MIER3: variants seen among roughly 807,000 people sequenced by gnomAD.
The protein encoded by MIER3 is mesoderm induction early response protein 3.
MIER3 carries 9 observed loss-of-function variants against 63.2 expected under a neutral mutation model. The ratio of observed to expected loss-of-function variants is 0.14; its 90% CI spans 0.09 to 0.25. The LOEUF is 0.25. Among genes scored for constraint, MIER3 ranks in the 10% least tolerant of loss-of-function variants. The pLI is 1.00. For synonymous variants in MIER3, 205 were observed against 224.9 expected (o/e 0.91, Z 0.79); for missense variants, 512 against 666.2 (o/e 0.77, Z 2.55).
chr5:56,942,232 G>C (rs1290308502), intron 3 of MIER3, among the ~76,000 whole-genome samples: 1 of 152,234 alleles, frequency 6.6e-6, no homozygotes, highest in African/African-American at 2.4e-5. Context: ...AGAGAGAAAA[G>C]AGGAAGGGAT....
At chr5:56,929,546 CAG>C (rs1388831216) in intron 9 of MIER3, 1 of 151,996 alleles carries the variant, frequency 6.6e-6, no homozygotes, top group East Asian at 1.9e-4. Flanking sequence ...GCCTGGGAGA[CAG>C]AGTGAGACCC....
intron 7 of MIER3, among the ~76,000 whole-genome samples, 156 bp from the exon 8 acceptor site, chr5:56,933,554 C>T (rs985189076): frequency 2.0e-5 from 3 of 152,168 alleles, no homozygotes; most frequent in African/African-American, 7.2e-5. Flanking sequence ...TAGGGCCTTT[C>T]ACACACAAGC....
chr5:56,933,256 G>A lies in MIER3; in HGVS notation c.738C>T (p.Asp246=). The A allele has an allele frequency of 6.2e-7, 1 of 1,608,232 alleles. No homozygotes were observed. Among genetic ancestry groups the A allele is most frequent in the Non-Finnish European group, 8.5e-7 (1 of 1,177,580 alleles). Residue 246 remains aspartate, a synonymous_variant, in exon 8 of 13, where the codon GAC becomes GAT. Coordinates refer to ENST00000381199, the MANE Select transcript of MIER3 (RefSeq NM_001297599.2). ...AGAAGCTGAAGTATACCTGTTCATT[G>A]TCCCTTGTGTGTGTTCCTGCAGAAA... ...DRISAGTHTR[D]NEQALYELLK... is the part of the protein sequence containing the mutation.
At chr5:56,936,040 G>A (rs980935089) in intron 5 of MIER3, among the ~76,000 whole-genome samples, 2 of 151,816 alleles carry the variant, frequency 1.3e-5, no homozygotes, top group African/African-American at 2.4e-5. Context: ...CAGCCTGGCC[G>A]ACAGGCTCTA....
rs1479409469 is a variant in MIER3 at position 56,923,589 on chromosome 5, A to C, written c.1196-4T>G. The C allele has an allele frequency of 6.2e-7, 1 of 1,611,838 alleles. No individual in the cohort carries two copies. Among genetic ancestry groups the C allele is most frequent in the East Asian group, 2.2e-5 (1 of 44,844 alleles). ...GTTGCTACACTGTTGGTCAAAGCTAAAAAGGAATGGAAAATTGTTTAAGTA... is the reference window on the plus strand; with the variant it reads ...GTTGCTACACTGTTGGTCAAAGCTACAAAGGAATGGAAAATTGTTTAAGTA... On this transcript the variant is annotated splice_region_variant and splice_polypyrimidine_tract_variant and intron_variant, in intron 12 of 12. Coordinates refer to ENST00000381199, the MANE Select transcript of MIER3 (RefSeq NM_001297599.2).
At chr5:56,936,674 C>G (rs1195109290) in intron 5 of MIER3, among the ~76,000 whole-genome samples, 6 of 151,986 alleles carry the variant, frequency 3.9e-5, no homozygotes, top group Admixed American at 3.3e-4. Flanking sequence ...CTATGCCCAG[C>G]TAAGTTTTTT....
intron 5 of MIER3, 150 bp downstream of exon 5, chr5:56,937,428 A>C: frequency 2.4e-6 from 2 of 820,438 alleles, no homozygotes; most frequent in African/African-American, 1.8e-5. Flanking sequence ...CCCAAAAGAA[A>C]GGTTATAATC....
At chr5:56,947,770 T>A (rs1169674663) in intron 2 of MIER3, among the ~76,000 whole-genome samples, 2 of 152,134 alleles carry the variant, frequency 1.3e-5, no homozygotes, top group Non-Finnish European at 2.9e-5. Context: ...GAAAATCACA[T>A]CTGAAGGTTT....
intron 3 of MIER3, chr5:56,941,610 T>C (rs1302905769): frequency 6.6e-6 from 1 of 151,684 alleles, no homozygotes; most frequent in Non-Finnish European, 1.5e-5. Flanking sequence ...CTCAAGAGAA[T>C]GGAAAGAGAG....
chr5:56,944,253 C>T (rs112840599), intron 3 of MIER3, among the ~76,000 whole-genome samples: 178 of 151,930 alleles, frequency 1.2e-3, no homozygotes, highest in African/African-American at 4.0e-3. Flanking sequence ...GGGCAGATCA[C>T]GAGGTCAGGA....
chr5:56,928,892 G>GC (rs1042211474), intron 9 of MIER3, 31 bp from the exon 10 acceptor site: 2 of 1,531,582 alleles, frequency 1.3e-6, no homozygotes, highest in East Asian at 2.3e-5. Flanking sequence ...AAATTTATGG[G>GC]CCCCCAAATT....
In MIER3 at chr5:56,937,651, C is replaced by T; in HGVS notation, c.363G>A (p.Gln121=). The change falls in exon 5 of 13, where the codon CAG becomes CAA. Residue 121 remains glutamine, a synonymous_variant. Coordinates refer to ENST00000381199, the MANE Select transcript of MIER3 (RefSeq NM_001297599.2). The part of the protein sequence containing the change: ...DLLSGDDEET[Q]SSADDLTPSV... ...ATGGCGTCAGATCATCCGCAGAAGA[C>T]TGAGTTTCCTCGTCATCACCTGACA... is the stretch of plus-strand genomic sequence containing the variant. 6.2e-7 allele frequency: 1 copy of T among 1,612,544 alleles called. No homozygotes were observed. Among genetic ancestry groups the T allele is most frequent in the Non-Finnish European group, 8.5e-7 (1 of 1,179,196 alleles).
At chr5:56,949,457 C>T (rs185889617) in intron 2 of MIER3, among the ~76,000 whole-genome samples, 13 of 152,258 alleles carry the variant, frequency 8.5e-5, no homozygotes, top group East Asian at 7.7e-4. Flanking sequence ...TGGAAAAATT[C>T]CATTAATCCA....
chr5:56,934,247 T>C (rs1750367488), intron 7 of MIER3, among the ~76,000 whole-genome samples: 1 of 151,950 alleles, frequency 6.6e-6, no homozygotes, highest in Non-Finnish European at 1.5e-5. Context: ...TCATCCCAAC[T>C]GTAGGAGGCA....
intron 3 of MIER3, among the ~76,000 whole-genome samples, chr5:56,945,229 G>A (rs1484678942): frequency 5.3e-5 from 8 of 152,050 alleles, no homozygotes; most frequent in African/African-American, 1.5e-4. Context: ...TTGGAAGGCC[G>A]AGGCAGGTGG....
Position 56,952,103 on chromosome 5 carries a change from A to C in MIER3, c.-1T>G. 3 of 1,292,030 alleles carry C rather than the reference A, an allele frequency of 2.3e-6. No individual in the cohort carries two copies. The highest frequency in any genetic ancestry group is 2.3e-4 in the Middle Eastern group (1 of 4,424). The allele number at this position is 1,292,030 out of a possible 1,614,324, so 80.0% of individuals were successfully genotyped here. A position where few individuals can be genotyped will look rare whatever the true frequency, so the allele number is the denominator to read the frequency against. ...CGGTTTCCCTGCTCACCTCCGCCAT[A>C]TTGGTACCTTTAGGGCGAACGAGCA... On this transcript the variant is annotated 5_prime_UTR_variant, in exon 1 of 13. Transcript: ENST00000381199.
At chr5:56,937,779 CATT>C in intron 4 of MIER3, 81 bp from the exon 5 acceptor site, 1 of 1,268,994 alleles carries the variant, frequency 7.9e-7, no homozygotes, top group African/African-American at 1.5e-5. Flanking sequence ...TATAACATAT[CATT>C]AAGAAGCAGT....
At position 56,921,741 on chromosome 5, in the gene MIER3, A is replaced by G. The variant is rs183794082; in HGVS notation, c.*1387T>C. Reference sequence around the variant, plus strand: ...CCAAACATTTGTTTTTTGCAAAGCAACTAGTAAAAATCAAGAATTTTAATT... The same window carrying G: ...CCAAACATTTGTTTTTTGCAAAGCAGCTAGTAAAAATCAAGAATTTTAATT... On this transcript the variant is annotated 3_prime_UTR_variant, in exon 13 of 13. Coordinates refer to ENST00000381199, the MANE Select transcript of MIER3 (RefSeq NM_001297599.2). The G allele has an allele frequency of 1.3e-5, 2 of 152,750 alleles. No individual in the cohort carries two copies. The highest frequency in any genetic ancestry group is 1.5e-5 in the Non-Finnish European group (1 of 68,022). 9.5% of individuals were successfully genotyped at this position (152,750 alleles called of 1,614,324 possible).
chr5:56,938,986 G>T lies in MIER3; in HGVS notation c.212C>A (p.Ala71Glu), dbSNP rs761206166. The T allele has an allele frequency of 1.2e-6, 2 of 1,614,134 alleles. No homozygotes were observed. Among genetic ancestry groups the T allele is most frequent in the Non-Finnish European group, 1.7e-6 (2 of 1,180,000 alleles). ...EGTMPLEDLL[A>E]FYGYEPTIPA... is the part of the protein sequence containing the mutation. ...AATTGTAGGTTCATAGCCATAGAAT[G>T]CCAGTAAATCTTCTAGAGGCATGGT... is the stretch of plus-strand genomic sequence containing the variant. The change falls in exon 4 of 13, where the codon GCA (alanine) becomes GAA (glutamate). Residue 71 changes from alanine (A) to glutamate (E), a missense_variant. Ala to Glu is a moderately radical substitution (Grantham distance 107, BLOSUM62 -1). Transcript: ENST00000381199.
Sources: allele counts gnomAD v4.1 joint callset (sites outside exome capture counted in the v4.1 genomes callset), GRCh38; gene constraint gnomAD v4.1.1; transcripts MANE v1.5; gene names NCBI Gene and HGNC (gene_info 2026-07-23, HGNC 2026-07-21).